CD36: variants seen among roughly 807,000 people sequenced by gnomAD.
CD36 encodes the protein CD36 molecule (CD36 blood group).
In CD36, 119 loss-of-function variants were observed where a neutral mutation model predicts 55.2. The ratio of observed to expected loss-of-function variants is 2.15; its 90% CI spans 1.86 to 2.51. CD36 has a LOEUF of 2.51. Among genes scored for constraint, CD36 ranks in the 30% most tolerant of loss-of-function variants. The probability of loss-of-function intolerance (pLI) is 0.00; values close to 1 mark genes in which losing one functional copy is unlikely to be tolerated. For synonymous variants in CD36, 186 were observed against 193.6 expected (o/e 0.96, Z 0.33); for missense variants, 819 against 555.5 (o/e 1.47, Z -4.77).
At chr7:80,663,839 C>G (rs528598957) in intron 6 of CD36, among the ~76,000 whole-genome samples, 1 of 152,154 alleles carries the variant, frequency 6.6e-6, no homozygotes, top group East Asian at 1.9e-4. Flanking sequence ...ATTATGTTCT[C>G]TAGTTCATTG....
At position 80,672,774 on chromosome 7, in the gene CD36, C is replaced by G; in HGVS notation, c.1130C>G (p.Thr377Ser). 5 of 1,605,130 alleles carry G rather than the reference C, an allele frequency of 3.1e-6. No individual in the cohort carries two copies. The highest frequency in any genetic ancestry group is 4.3e-6 in the Non-Finnish European group (5 of 1,173,690). The change falls in exon 12 of 15, where the codon ACT becomes AGT. Residue 377 changes from threonine to serine, a missense_variant. Transcript: ENST00000447544. ...ATTTAGTTGTTCTCTTTTTAGATAA[C>G]TGGATTCACTTTACAATTTGCAAAA... ...HRTYLDIEPI[T>S]GFTLQFAKRL...
chr7:80,674,081 T>C lies in CD36; in HGVS notation c.1353T>C (p.Val451=). The part of the protein sequence containing the change: ...LGLIEMILLS[V]GVVMFVAFMI... Reference sequence around the variant, plus strand: ...TGATAGAAATGATCTTACTCAGTGTTGGTGTGGTGATGTTTGTTGCTTTTA... The same window carrying C: ...TGATAGAAATGATCTTACTCAGTGTCGGTGTGGTGATGTTTGTTGCTTTTA... The change falls in exon 14 of 15, where the codon GTT becomes GTC. Residue 451 remains valine, a synonymous_variant. Coordinates refer to ENST00000447544, the MANE Select transcript of CD36 (RefSeq NM_001001548.3). 2 of 1,612,134 alleles carry C rather than the reference T, an allele frequency of 1.2e-6. No individual in the cohort carries two copies. The highest frequency in any genetic ancestry group is 1.1e-5 in the South Asian group (1 of 90,980).
In CD36 at chr7:80,676,992, A is replaced by G. The variant is rs1357248317; in HGVS notation, c.*609A>G. On this transcript the variant is annotated 3_prime_UTR_variant, in exon 15 of 15. Coordinates refer to ENST00000447544, the MANE Select transcript of CD36 (RefSeq NM_001001548.3). ...TCATAAAGACAGGTTTCAACCATTA[A>G]AATATGTTCTTCCTTAAATTCCTGT... is the stretch of plus-strand genomic sequence containing the variant. 6.6e-6 allele frequency: 1 copy of G among 152,126 alleles called. No homozygotes were observed. Among genetic ancestry groups the G allele is most frequent in the Admixed American group, 6.6e-5 (1 of 15,258 alleles). The allele number at this position is 152,126 out of a possible 1,614,324, so 9.4% of individuals were successfully genotyped here.
At chr7:80,626,172 A>G (rs980544396) in intron 1 of CD36, 1 of 152,076 alleles carries the variant, frequency 6.6e-6, no homozygotes, top group Non-Finnish European at 1.5e-5. Flanking sequence ...TGGCAACCCA[A>G]TTTATTAGTG....
chr7:80,607,899 G>A (rs1158874287), intron 1 of CD36, among the ~76,000 whole-genome samples: 1 of 152,016 alleles, frequency 6.6e-6, no homozygotes, highest in South Asian at 2.1e-4. Context: ...ATCCTCCCGA[G>A]TGCTGGGACT....
In CD36 at chr7:80,676,655, C is replaced by G. The variant is rs558079623; in HGVS notation, c.*272C>G. ...ATGACTCATATTTCTCTATGAATAC[C>G]TTCATACAGCAGGTATAACTCTTTT... On this transcript the variant is annotated 3_prime_UTR_variant, in exon 15 of 15. Coordinates refer to ENST00000447544, the MANE Select transcript of CD36 (RefSeq NM_001001548.3). 9.2e-5 allele frequency: 14 copies of G among 152,234 alleles called. No homozygotes were observed. The highest frequency in any genetic ancestry group is 3.4e-4 in the African/African-American group (14 of 41,540). 9.4% of individuals were successfully genotyped at this position (152,234 alleles called of 1,614,324 possible). A position where few individuals can be genotyped will look rare whatever the true frequency, so the allele number is the denominator to read the frequency against.
At chr7:80,636,211 A>G (rs570309175), upstream of CD36, among the ~76,000 whole-genome samples, 1 of 152,236 alleles carries the variant, frequency 6.6e-6, no homozygotes, top group Admixed American at 6.6e-5. Context: ...GGGTGATGAA[A>G]TGGGGAGTGT....
chr7:80,636,651 G>A (rs973554228), upstream of CD36, among the ~76,000 whole-genome samples: 2 of 151,898 alleles, frequency 1.3e-5, no homozygotes, highest in Non-Finnish European at 2.9e-5. Context: ...CATAAAGCAA[G>A]GTATATGCTC....
At chr7:80,668,593 A>T (rs892270641) in intron 8 of CD36, among the ~76,000 whole-genome samples, 17 of 152,184 alleles carry the variant, frequency 1.1e-4, no homozygotes, top group African/African-American at 4.1e-4. Flanking sequence ...GTCATTGTCC[A>T]TGGTAGTTGC....
At chr7:80,673,262 C>A in intron 12 of CD36, 93 bp from the exon 13 acceptor site, 2 of 632,878 alleles carry the variant, frequency 3.2e-6, no homozygotes, top group South Asian at 4.4e-5. Flanking sequence ...ATCAAATTAG[C>A]AACAGCAACT....
At chr7:80,648,695 T>A (rs919642098) in intron 3 of CD36, among the ~76,000 whole-genome samples, 4 of 151,802 alleles carry the variant, frequency 2.6e-5, no homozygotes, top group Non-Finnish European at 2.9e-5. Context: ...GACTCTAGAA[T>A]TGAATTGGAA....
chr7:80,652,259 A>G (rs1795685264), intron 3 of CD36, among the ~76,000 whole-genome samples: 1 of 152,224 alleles, frequency 6.6e-6, no homozygotes, highest in African/African-American at 2.4e-5. Context: ...GTCCAATTTA[A>G]TATCAACATA....
chr7:80,615,521 C>T (rs1793101093), intron 1 of CD36, among the ~76,000 whole-genome samples: 1 of 152,134 alleles, frequency 6.6e-6, no homozygotes, highest in Non-Finnish European at 1.5e-5. Flanking sequence ...TAGAAAATAT[C>T]TATTCATCCA....
chr7:80,673,558 A>C, intron 13 of CD36, 149 bp downstream of exon 13: 4 of 639,490 alleles, frequency 6.3e-6, no homozygotes, highest in African/African-American at 3.7e-5. Flanking sequence ...CCTATTTGAG[A>C]TGATCCAATT....
chr7:80,666,949 G>C (rs1797148307), intron 8 of CD36, among the ~76,000 whole-genome samples: 1 of 152,136 alleles, frequency 6.6e-6, no homozygotes, highest in Admixed American at 6.5e-5. Flanking sequence ...TCCATTTTTG[G>C]ATAAGGTGGT....
Position 80,658,266 on chromosome 7 carries a change from C to CAT in CD36, c.281+1576_281+1577dup, listed in dbSNP as rs549857556. Among the ~76,000 whole-genome samples, 443 of 139,850 alleles carry CAT rather than the reference C, an allele frequency of 3.2e-3. 3 individuals carry two copies. The highest frequency in any genetic ancestry group is 0.01 in the African/African-American group (403 of 40,016). The allele number at this position is 139,850 out of a possible 152,430, so 91.7% of individuals were successfully genotyped here. A position where few individuals can be genotyped will look rare whatever the true frequency, so the allele number is the denominator to read the frequency against. On this transcript the variant is annotated intron_variant, in intron 4 of 14. Transcript: ENST00000447544. ...TTGCAAAGAATGTTGTTAGGTGTAC[C>CAT]ATATATATATACACACATATATATA...
rs886086103 is a variant in CD36, at chr7:80,610,368, T to C, written c.-184+7989T>C. ...TAAAATCTACCCACAATTATTTTGG[T>C]AGCCATTTACTGAGAGGGTAATTTA... On this transcript the variant is annotated intron_variant, in intron 1 of 13. Coordinates refer to the CD36 transcript ENST00000309881. Among the ~76,000 whole-genome samples, 3 of 152,242 alleles carry C rather than the reference T, an allele frequency of 2.0e-5. No homozygotes were observed. In the South Asian group the frequency reaches 6.2e-4, roughly 32 times the overall value.
At chr7:80,623,760 C>A (rs146620201) in intron 1 of CD36, 1 of 152,254 alleles carries the variant, frequency 6.6e-6, no homozygotes, top group East Asian at 1.9e-4. Flanking sequence ...CCTAGGAGGA[C>A]TGTAAAGTCC....
intron 2 of CD36, 110 bp from the exon 3 acceptor site, chr7:80,646,542 G>T: frequency 3.2e-6 from 2 of 623,016 alleles, no homozygotes; most frequent in East Asian, 2.9e-5. Flanking sequence ...AAAAGCATTT[G>T]TTTATTTAGA....
Sources: allele counts gnomAD v4.1 joint callset (sites outside exome capture counted in the v4.1 genomes callset), GRCh38; gene constraint gnomAD v4.1.1; transcripts MANE v1.5; gene names NCBI Gene and HGNC (gene_info 2026-07-23, HGNC 2026-07-21).